FAM168B: variants seen among roughly 807,000 people sequenced by gnomAD.
FAM168B encodes the protein myelin-associated neurite-outgrowth inhibitor.
FAM168B carries 19 observed loss-of-function variants against 21.8 expected under a neutral mutation model. The ratio of observed to expected loss-of-function variants is 0.87; its 90% CI spans 0.61 to 1.28. The LOEUF is 1.28. Among genes scored for constraint, FAM168B ranks in the 50% most tolerant of loss-of-function variants. The pLI is 0.00. For missense variants in FAM168B, 233 were observed against 263.1 expected (o/e 0.89, Z 0.79); for synonymous variants, 126 against 104.8 (o/e 1.20, Z -1.24).
Position 131,048,703 on chromosome 2 carries a change from A to T in FAM168B, c.*3762T>A. ...GCTGCCCTTCAGAAAGCCAGAGGGA[A>T]CACTCACAAATGCAGAGGTACTAGA... On this transcript the variant is annotated 3_prime_UTR_variant, in exon 7 of 7. Coordinates refer to ENST00000389915, the MANE Select transcript of FAM168B (RefSeq NM_001009993.4). 1.0e-6 allele frequency: 1 copy of T among 989,424 alleles called. No homozygotes were observed. Among genetic ancestry groups the T allele is most frequent in the Non-Finnish European group, 1.2e-6 (1 of 832,210 alleles). The allele number at this position is 989,424 out of a possible 1,614,324, so 61.3% of individuals were successfully genotyped here.
intron 2 of FAM168B, among the ~76,000 whole-genome samples, chr2:131,074,666 G>A (rs762881237): frequency 2.0e-5 from 3 of 152,144 alleles, no homozygotes; most frequent in Non-Finnish European, 4.4e-5. Flanking sequence ...GATCCCTTAG[G>A]AACAAATCAT....
rs1429735861 is a variant in FAM168B at position 131,052,410 on chromosome 2, G to A, written c.*55C>T. ...AGGCGCAAGGCCTGCAGCACCAGCT[G>A]TGGAATCCCCAATAATGTGACTGCA... On this transcript the variant is annotated 3_prime_UTR_variant, in exon 7 of 7. Transcript: ENST00000389915. The A allele has an allele frequency of 2.0e-6, 2 of 987,798 alleles. No homozygotes were observed. Among genetic ancestry groups the A allele is most frequent in the African/African-American group, 3.5e-5 (2 of 57,256 alleles). 61.2% of individuals were successfully genotyped at this position (987,798 alleles called of 1,614,324 possible).
rs565539927 is a variant in FAM168B at position 131,085,538 on chromosome 2, A to G, written c.-11-2881T>C. ...TTACGAAGACAAAATACAAAAAGAA[A>G]CCACTTCAAATTTTCAGCTCATTTG... On this transcript the variant is annotated intron_variant, in intron 1 of 6. Coordinates refer to ENST00000389915, the MANE Select transcript of FAM168B (RefSeq NM_001009993.4). Among the ~76,000 whole-genome samples, 110 of 152,316 alleles carry G rather than the reference A, an allele frequency of 7.2e-4. 4 individuals carry two copies. Among genetic ancestry groups the G allele is most frequent in the Non-Finnish European group, 7.1e-4 (48 of 68,026 alleles).
chr2:131,090,824 G>A (rs1693981924), intron 1 of FAM168B, among the ~76,000 whole-genome samples: 1 of 152,138 alleles, frequency 6.6e-6, no homozygotes. Context: ...CACCTCCCGG[G>A]TTCACACCAT....
chr2:131,056,439 G>A (rs1008218573), intron 3 of FAM168B, among the ~76,000 whole-genome samples: 2 of 152,136 alleles, frequency 1.3e-5, no homozygotes, highest in Non-Finnish European at 2.9e-5. Context: ...AGGAGCAGCT[G>A]GCACCAAGAG....
intron 1 of FAM168B, among the ~76,000 whole-genome samples, chr2:131,082,986 C>T (rs1693495266): frequency 6.6e-6 from 1 of 151,822 alleles, no homozygotes; most frequent in Admixed American, 6.6e-5. Context: ...TTTGGGAGGC[C>T]GAGGTGGGCA....
rs762469713 is a variant in FAM168B at position 131,055,665 on chromosome 2, G to A, written c.185C>T (p.Ser62Phe). The change falls in exon 4 of 7, where the codon TCC (serine) becomes TTC (phenylalanine). Residue 62 changes from serine (S) to phenylalanine (F), a missense_variant. Ser to Phe is a radical substitution (Grantham distance 155). Coordinates refer to ENST00000389915, the MANE Select transcript of FAM168B (RefSeq NM_001009993.4). Reference protein sequence around the residue: ...GYTPGTPYKVSCSPTSGAVPP... With the variant: ...GYTPGTPYKVFCSPTSGAVPP... ...CACAGCCCCGCTGGTGGGGGAACAG[G>A]ACACTTTGTAAGGTGTGCCAGGAGT... 2 of 1,613,872 alleles carry A rather than the reference G, an allele frequency of 1.2e-6. No individual in the cohort carries two copies. Among genetic ancestry groups the A allele is most frequent in the South Asian group, 2.2e-5 (2 of 91,060 alleles).
chr2:131,085,680 T>C (rs548307333), intron 1 of FAM168B, among the ~76,000 whole-genome samples: 11 of 152,192 alleles, frequency 7.2e-5, no homozygotes, highest in Non-Finnish European at 1.5e-5. Context: ...CTGGCAACTT[T>C]AGTAACTAAA....
chr2:131,087,063 CAAAAA>C lies in FAM168B; in HGVS notation c.-11-4411_-11-4407del, dbSNP rs70994735. On this transcript the variant is annotated intron_variant, in intron 1 of 6. Coordinates refer to ENST00000389915, the MANE Select transcript of FAM168B (RefSeq NM_001009993.4). The stretch of plus-strand genomic sequence containing the variant: ...CCTGGGCGACAGCGAGACTCCGTCT[CAAAAA>C]AAAAAAAAAAAAAAAAAGAGTCACA... Among the ~76,000 whole-genome samples the C allele has an allele frequency of 2.2e-4, 9 of 40,684 alleles. 1 individual carries two copies. Among genetic ancestry groups the C allele is most frequent in the Admixed American group, 1.5e-3 (4 of 2,738 alleles). 26.7% of individuals were successfully genotyped at this position (40,684 alleles called of 152,430 possible). A position where few individuals can be genotyped will look rare whatever the true frequency, so the allele number is the denominator to read the frequency against.
chr2:131,084,334 T>C (rs567916770), intron 1 of FAM168B, among the ~76,000 whole-genome samples: 19 of 151,716 alleles, frequency 1.3e-4, no homozygotes, highest in African/African-American at 4.6e-4. Context: ...GGACTACAGG[T>C]GTGGTGCCAC....
chr2:131,068,008 T>A (rs1288657374), intron 3 of FAM168B, among the ~76,000 whole-genome samples: 1 of 152,088 alleles, frequency 6.6e-6, no homozygotes, highest in Non-Finnish European at 1.5e-5. Context: ...CACTGGACTT[T>A]ACCCTGGGTG....
chr2:131,059,554 A>C (rs1305240346), intron 3 of FAM168B, among the ~76,000 whole-genome samples: 1 of 152,214 alleles, frequency 6.6e-6, no homozygotes. Flanking sequence ...CCCAGGAGTC[A>C]CCAAACTCTT....
Position 131,051,704 on chromosome 2 carries a change from AC to A in FAM168B, c.*760del, listed in dbSNP as rs1329751597. ...AAACTGCTTTGCTGACACATAAACCACCCCCCTCGCCCCAAATTTCACTGGC... is the reference window on the plus strand; with the variant it reads ...AAACTGCTTTGCTGACACATAAACCACCCCCTCGCCCCAAATTTCACTGGC... On this transcript the variant is annotated 3_prime_UTR_variant, in exon 7 of 7. Transcript: ENST00000389915. 1.0e-6 allele frequency: 1 copy of A among 983,896 alleles called. No individual in the cohort carries two copies. The highest frequency in any genetic ancestry group is 1.2e-6 in the Non-Finnish European group (1 of 829,550). 60.9% of individuals were successfully genotyped at this position (983,896 alleles called of 1,614,324 possible).
intron 3 of FAM168B, among the ~76,000 whole-genome samples, chr2:131,058,716 G>A (rs1692149381): frequency 6.6e-6 from 1 of 152,148 alleles, no homozygotes; most frequent in African/African-American, 2.4e-5. Flanking sequence ...TTCAAGACAA[G>A]AGCAGTTACA....
chr2:131,083,626 A>G (rs1693531500), intron 1 of FAM168B, among the ~76,000 whole-genome samples: 1 of 152,256 alleles, frequency 6.6e-6, no homozygotes, highest in African/African-American at 2.4e-5. Context: ...TATCCAGAAC[A>G]TGAAATATCA....
At position 131,055,706 on chromosome 2, in the gene FAM168B, G is replaced by C; in HGVS notation, c.155-11C>G. The C allele has an allele frequency of 6.2e-7, 1 of 1,612,988 alleles. No homozygotes were observed. ...TGCCAGGAGTGTAACCTGGAACAAA[G>C]AAGGCAATGGCCTGAGTTCACCCAA... is the stretch of plus-strand genomic sequence containing the variant. On this transcript the variant is annotated splice_polypyrimidine_tract_variant and intron_variant, in intron 3 of 6. Coordinates refer to ENST00000389915, the MANE Select transcript of FAM168B (RefSeq NM_001009993.4).
At chr2:131,082,754 T>C in intron 1 of FAM168B, 97 bp from the exon 2 acceptor site, 1 of 706,248 alleles carries the variant, frequency 1.4e-6, no homozygotes, top group Non-Finnish European at 2.4e-6. Context: ...GTCCTTTCTC[T>C]AGGCTGCTAT....
intron 3 of FAM168B, among the ~76,000 whole-genome samples, chr2:131,057,977 T>C (rs1006557821): frequency 6.6e-6 from 1 of 152,048 alleles, no homozygotes; most frequent in Non-Finnish European, 1.5e-5. Context: ...ATTGCAGGCA[T>C]GTGCCACCAC....
chr2:131,071,077 T>A (rs1692848544), intron 3 of FAM168B, among the ~76,000 whole-genome samples: 1 of 152,206 alleles, frequency 6.6e-6, no homozygotes, highest in African/African-American at 2.4e-5. Context: ...AAGAGATGGA[T>A]GTAAGGACAG....
Sources: allele counts gnomAD v4.1 joint callset (sites outside exome capture counted in the v4.1 genomes callset), GRCh38; gene constraint gnomAD v4.1.1; transcripts MANE v1.5; gene names NCBI Gene and HGNC (gene_info 2026-07-23, HGNC 2026-07-21).